Variants in AGBL3 observed in about 807,000 individuals in gnomAD.
AGBL3 encodes AGBL carboxypeptidase 3.
Under a neutral mutation model 94.5 loss-of-function variants are expected in AGBL3, and 68 were observed. The observed-to-expected ratio is 0.72, with a 90% CI of 0.59 to 0.88. AGBL3 has a LOEUF of 0.88. AGBL3 is among the 40% of genes least tolerant of loss of function. The probability of loss-of-function intolerance (pLI) is 0.00; values close to 1 mark genes in which losing one functional copy is unlikely to be tolerated. For synonymous variants in AGBL3, 354 were observed against 370.7 expected (o/e 0.95, Z 0.52); for missense variants, 934 against 1,103.8 (o/e 0.85, Z 2.18).
At chr7:135,096,947 T>C (rs184190729) in intron 15 of AGBL3, among the ~76,000 whole-genome samples, 21 of 152,248 alleles carry the variant, frequency 1.4e-4, no homozygotes, top group African/African-American at 5.1e-4. Flanking sequence ...TGAAAGCACA[T>C]ATGAAGACTG....
intron 11 of AGBL3, among the ~76,000 whole-genome samples, chr7:135,049,104 A>C (rs530906940): frequency 6.6e-6 from 1 of 151,974 alleles, no homozygotes; most frequent in Admixed American, 6.6e-5. Flanking sequence ...ATTATATTGA[A>C]GTACTTTCCT....
intron 15 of AGBL3, chr7:135,094,088 A>G (rs1372194185): frequency 7.1e-6 from 2 of 280,542 alleles, no homozygotes; most frequent in African/African-American, 4.5e-5. Flanking sequence ...ACCATACACT[A>G]AAAATAATAA....
chr7:135,130,809 C>T (rs1490204424), intron 16 of AGBL3, among the ~76,000 whole-genome samples: 1 of 151,990 alleles, frequency 6.6e-6, no homozygotes, highest in African/African-American at 2.4e-5. Context: ...TTTTTTGCAA[C>T]AGCAGTGTTT....
chr7:135,125,684 A>C (rs1238008808), intron 16 of AGBL3, among the ~76,000 whole-genome samples: 1 of 152,218 alleles, frequency 6.6e-6, no homozygotes, highest in Non-Finnish European at 1.5e-5. Flanking sequence ...CATATCAAAA[A>C]ACGTATCCAC....
chr7:135,027,858 G>T (rs1209114252), intron 5 of AGBL3, among the ~76,000 whole-genome samples: 1 of 151,430 alleles, frequency 6.6e-6, no homozygotes, highest in Non-Finnish European at 1.5e-5. Flanking sequence ...CTATATATTT[G>T]TACAAATTTT....
At chr7:135,003,730 G>A (rs1812021111) in intron 4 of AGBL3, among the ~76,000 whole-genome samples, 1 of 149,720 alleles carries the variant, frequency 6.7e-6, no homozygotes, top group Non-Finnish European at 1.5e-5. Flanking sequence ...AAATATTTTT[G>A]TTGTGAGAAT....
intron 15 of AGBL3, among the ~76,000 whole-genome samples, chr7:135,090,880 A>G (rs1821754819): frequency 6.6e-6 from 1 of 152,078 alleles, no homozygotes; most frequent in African/African-American, 2.4e-5. Flanking sequence ...TCAGGGATGA[A>G]GGGGAGCTAT....
chr7:135,130,680 C>T (rs959928180), intron 16 of AGBL3, among the ~76,000 whole-genome samples: 2 of 152,058 alleles, frequency 1.3e-5, no homozygotes, highest in African/African-American at 4.8e-5. Flanking sequence ...GCATTTACCA[C>T]TGTATATGCA....
chr7:135,119,592 G>A (rs181376990), intron 16 of AGBL3, among the ~76,000 whole-genome samples: 74 of 151,784 alleles, frequency 4.9e-4, no homozygotes, highest in African/African-American at 1.6e-3. Context: ...AAAGGAGTCA[G>A]AGAGGCTGGG....
At chr7:135,112,063 G>A (rs1385735170) in intron 15 of AGBL3, among the ~76,000 whole-genome samples, 1 of 152,106 alleles carries the variant, frequency 6.6e-6, no homozygotes, top group African/African-American at 2.4e-5. Flanking sequence ...TCCTAATGTT[G>A]TACACTTCTG....
chr7:135,127,511 C>T (rs1828054836), intron 16 of AGBL3, among the ~76,000 whole-genome samples: 2 of 151,214 alleles, frequency 1.3e-5, no homozygotes, highest in African/African-American at 2.4e-5. Context: ...CAAGATTGCA[C>T]CACTGCACTC....
intron 16 of AGBL3, among the ~76,000 whole-genome samples, chr7:135,126,088 GAGAGGAAGTC>G (rs149588550): frequency 7.7e-4 from 118 of 152,284 alleles, no homozygotes; most frequent in African/African-American, 2.7e-3. Flanking sequence ...CAAACAGGAA[GAGAGGAAGTC>G]AAATGGTCTC....
chr7:135,038,940 T>C (rs1291710085), intron 8 of AGBL3, among the ~76,000 whole-genome samples: 1 of 148,608 alleles, frequency 6.7e-6, no homozygotes, highest in Non-Finnish European at 1.5e-5. Context: ...GCCTGGACGA[T>C]AGAGCGAGAC....
chr7:135,065,878 G>A (rs1280842887), intron 12 of AGBL3, among the ~76,000 whole-genome samples: 5 of 152,158 alleles, frequency 3.3e-5, no homozygotes, highest in African/African-American at 1.2e-4. Context: ...GCAACAGAAT[G>A]AGACCCTGTA....
intron 8 of AGBL3, among the ~76,000 whole-genome samples, chr7:135,040,296 A>G (rs1200232232): frequency 1.3e-5 from 2 of 152,216 alleles, no homozygotes; most frequent in Non-Finnish European, 2.9e-5. Flanking sequence ...CATGATACCA[A>G]CACAAGACAA....
intron 7 of AGBL3, among the ~76,000 whole-genome samples, chr7:135,035,989 CATA>C (rs1816268878): frequency 6.6e-6 from 1 of 151,964 alleles, no homozygotes; most frequent in African/African-American, 2.4e-5. Context: ...TAAATTAACA[CATA>C]ATAAATTTTA....
chr7:135,053,598 A>G (rs1818079937), intron 11 of AGBL3, among the ~76,000 whole-genome samples: 1 of 151,842 alleles, frequency 6.6e-6, no homozygotes, highest in South Asian at 2.1e-4. Flanking sequence ...CAAGAGCAAA[A>G]CTCCGTCTCA....
In AGBL3 at chr7:135,107,295, G is replaced by T. The variant is rs532189569; in HGVS notation, c.2111-8085G>T. ...TGCTCCTGCTTCTCTAGTTATTTTA[G>T]TTGTGAGGTTAGGTTGTTAATTTGA... On this transcript the variant is annotated intron_variant, in intron 15 of 16. Transcript: ENST00000436302. Among the ~76,000 whole-genome samples, 544 of 152,120 alleles carry T rather than the reference G, an allele frequency of 3.6e-3. 1 individual carries two copies. Among genetic ancestry groups the T allele is most frequent in the Non-Finnish European group, 5.5e-3 (377 of 67,980 alleles).
chr7:135,016,027 T>C (rs1639147667), intron 4 of AGBL3, among the ~76,000 whole-genome samples: 1 of 110,642 alleles, frequency 9.0e-6, no homozygotes, highest in Admixed American at 1.0e-4. Flanking sequence ...CGACACTCCA[T>C]CTCAAAAAAA....
Sources: gnomAD v4.1 joint callset for allele counts (sites outside exome capture counted in the v4.1 genomes callset) on GRCh38, gnomAD v4.1.1 for gene constraint, MANE v1.5 for transcripts, NCBI Gene and HGNC (gene_info 2026-07-23, HGNC 2026-07-21) for gene names.